DTD1: variants seen among roughly 807,000 people sequenced by gnomAD.
DTD1 encodes the protein D-tyrosyl-tRNA deacylase 1 homolog.
A neutral mutation model predicts 25.6 loss-of-function variants in DTD1; 13 were observed. The ratio of observed to expected loss-of-function variants is 0.51; its 90% CI spans 0.33 to 0.81. DTD1 has a LOEUF of 0.81. DTD1 is among the 30% of genes least tolerant of loss of function. DTD1 has a pLI of 0.02. For missense variants in DTD1, 193 were observed against 266.4 expected (o/e 0.72, Z 1.92); for synonymous variants, 110 against 103.6 (o/e 1.06, Z -0.37).
At chr20:18,598,752 G>C (rs2060622027) in intron 3 of DTD1, among the ~76,000 whole-genome samples, 1 of 150,832 alleles carries the variant, frequency 6.6e-6, no homozygotes, top group Non-Finnish European at 1.5e-5. Flanking sequence ...CTCGTGATCT[G>C]CCTGTCTTGG....
intron 3 of DTD1, among the ~76,000 whole-genome samples, chr20:18,626,657 C>T (rs2060760147): frequency 1.3e-5 from 2 of 152,022 alleles, no homozygotes; most frequent in Non-Finnish European, 1.5e-5. Context: ...ACCCTTTGAT[C>T]TGGACTGGAA....
intron 4 of DTD1, among the ~76,000 whole-genome samples, chr20:18,703,683 A>G (rs766539898): frequency 3.3e-5 from 5 of 150,948 alleles, no homozygotes; most frequent in Non-Finnish European, 7.4e-5. Flanking sequence ...TTTAATATCC[A>G]TGAACTCATT....
At chr20:18,682,857 C>T (rs1030948516) in intron 4 of DTD1, among the ~76,000 whole-genome samples, 9 of 152,140 alleles carry the variant, frequency 5.9e-5, no homozygotes, top group Non-Finnish European at 1.3e-4. Context: ...TTCATAGGTT[C>T]ATGCCCCATG....
intron 4 of DTD1, among the ~76,000 whole-genome samples, chr20:18,703,563 ATTTTCCATTCT>A (rs2061113867): frequency 6.6e-6 from 1 of 151,596 alleles, no homozygotes; most frequent in African/African-American, 2.4e-5. Context: ...CTTTCTCGGT[ATTTTCCATTCT>A]TTTTCCATTT....
intron 3 of DTD1, among the ~76,000 whole-genome samples, chr20:18,624,250 G>C (rs532039693): frequency 6.6e-6 from 1 of 152,244 alleles, no homozygotes; most frequent in South Asian, 2.1e-4. Flanking sequence ...GCACACCAGA[G>C]CTCCTGCAGT....
intron 5 of DTD1, among the ~76,000 whole-genome samples, chr20:18,751,086 G>GTGTGTGT (rs1177209253): frequency 4.6e-5 from 4 of 86,246 alleles, no homozygotes; most frequent in Non-Finnish European, 1.2e-4. Flanking sequence ...TGTGTGTGTG[G>GTGTGTGT]GTGTGTGTTT....
At chr20:18,702,489 G>A (rs2061109436) in intron 4 of DTD1, among the ~76,000 whole-genome samples, 2 of 152,180 alleles carry the variant, frequency 1.3e-5, no homozygotes, top group African/African-American at 2.4e-5. Flanking sequence ...TTAGATGCAG[G>A]CTAGAAAAGC....
At chr20:18,646,705 A>C (rs113849285) in intron 4 of DTD1, among the ~76,000 whole-genome samples, 2 of 152,276 alleles carry the variant, frequency 1.3e-5, no homozygotes, top group African/African-American at 4.8e-5. Context: ...ACAGTTGGCC[A>C]TTCATAGGTG....
At chr20:18,658,496 ATG>A (rs1455165965) in intron 4 of DTD1, among the ~76,000 whole-genome samples, 1 of 152,032 alleles carries the variant, frequency 6.6e-6, no homozygotes, top group Non-Finnish European at 1.5e-5. Context: ...GTTATGCTTT[ATG>A]TCTTTGCCAT....
intron 4 of DTD1, among the ~76,000 whole-genome samples, chr20:18,696,292 G>A (rs997515949): frequency 1.3e-5 from 2 of 152,026 alleles, no homozygotes; most frequent in African/African-American, 4.8e-5. Context: ...CGCCTGTCTC[G>A]GAGTCTCATT....
At chr20:18,719,494 G>C (rs2061194508) in intron 4 of DTD1, among the ~76,000 whole-genome samples, 1 of 152,218 alleles carries the variant, frequency 6.6e-6, no homozygotes, top group South Asian at 2.1e-4. Context: ...ACATGAAATG[G>C]GATTAGTAGA....
At chr20:18,709,972 G>T (rs890439432) in intron 4 of DTD1, among the ~76,000 whole-genome samples, 6 of 152,126 alleles carry the variant, frequency 3.9e-5, no homozygotes, top group African/African-American at 1.4e-4. Context: ...ATGTATTAGG[G>T]TAAATAACTT....
chr20:18,624,307 C>G (rs984396431), intron 3 of DTD1, among the ~76,000 whole-genome samples: 1 of 152,166 alleles, frequency 6.6e-6, no homozygotes, highest in African/African-American at 2.4e-5. Flanking sequence ...ATAAGAAACT[C>G]ATAATAAAGT....
At chr20:18,676,044 G>A (rs142915652) in intron 4 of DTD1, among the ~76,000 whole-genome samples, 129 of 152,208 alleles carry the variant, frequency 8.5e-4, no homozygotes, top group Middle Eastern at 3.4e-3. Context: ...TTTATTTAGC[G>A]AAATCACTGT....
chr20:18,596,983 T>A (rs1055355173), intron 3 of DTD1, among the ~76,000 whole-genome samples: 4 of 152,204 alleles, frequency 2.6e-5, no homozygotes, highest in African/African-American at 9.6e-5. Flanking sequence ...GGGTTCACTC[T>A]AATATTCTCT....
chr20:18,688,357 C>G (rs187524800), intron 4 of DTD1, among the ~76,000 whole-genome samples: 2 of 152,194 alleles, frequency 1.3e-5, no homozygotes, highest in Non-Finnish European at 2.9e-5. Context: ...TAATTATAAC[C>G]TGTGATAAGT....
chr20:18,708,200 T>TATATTAA (rs2061135238), intron 4 of DTD1, among the ~76,000 whole-genome samples: 1 of 48,048 alleles, frequency 2.1e-5, no homozygotes, highest in Non-Finnish European at 3.7e-5. Context: ...ATATATTATA[T>TATATTAA]ATATATTTTA....
chr20:18,739,471 G>T (rs2061268782), intron 4 of DTD1, among the ~76,000 whole-genome samples: 2 of 152,178 alleles, frequency 1.3e-5, no homozygotes, highest in Non-Finnish European at 2.9e-5. Flanking sequence ...CTTTTGGAAG[G>T]CTGGGTTTCT....
intron 4 of DTD1, among the ~76,000 whole-genome samples, chr20:18,724,986 G>T (rs1186674166): frequency 2.0e-5 from 3 of 152,250 alleles, no homozygotes; most frequent in African/African-American, 7.2e-5. Flanking sequence ...GTGAGTGAGG[G>T]TTCTTGGCTT....
Sources: gnomAD v4.1 joint callset for allele counts (sites outside exome capture counted in the v4.1 genomes callset) on GRCh38, gnomAD v4.1.1 for gene constraint, MANE v1.5 for transcripts, NCBI Gene and HGNC (gene_info 2026-07-23, HGNC 2026-07-21) for gene names.